Variants in MFRP observed in about 807,000 individuals in gnomAD.
MFRP encodes the protein membrane frizzled-related protein.
MFRP carries 74 observed loss-of-function variants against 65.8 expected under a neutral mutation model. That is an observed-to-expected ratio of 1.12 (90% CI 0.93 to 1.36). The LOEUF is 1.36. Among genes scored for constraint, MFRP ranks in the 40% most tolerant of loss-of-function variants. MFRP has a pLI of 0.00. For missense variants in MFRP, 838 were observed against 736.0 expected (o/e 1.14, Z -1.60); for synonymous variants, 336 against 288.3 (o/e 1.17, Z -1.68).
At chr11:119,345,111 A>G (rs1950547176) in intron 5 of MFRP, 107 bp from the exon 6 acceptor site, 1 of 1,445,194 alleles carries the variant, frequency 6.9e-7, no homozygotes, top group African/African-American at 1.4e-5. Flanking sequence ...CAAACTGGTG[A>G]CCATGTGGTC....
At position 119,340,175 on chromosome 11, in the gene MFRP, C is replaced by T. The variant is rs771777653; in HGVS notation, c.*1110+9G>A. 6.3e-4 allele frequency: 945 copies of T among 1,510,452 alleles called. 2 individuals are homozygous for T. The highest frequency in any genetic ancestry group is 8.0e-4 in the Non-Finnish European group (905 of 1,132,366). The allele number at this position is 1,510,452 out of a possible 1,614,324, so 93.6% of individuals were successfully genotyped here. A position where few individuals can be genotyped will look rare whatever the true frequency, so the allele number is the denominator to read the frequency against. ...ATCGCCACCGATAGCCGCGGCGGTGCCTTCTTACCCGGCCTCCCGCCCTCG... is the reference window on the plus strand; with the variant it reads ...ATCGCCACCGATAGCCGCGGCGGTGTCTTCTTACCCGGCCTCCCGCCCTCG... On this transcript the variant is annotated intron_variant, in intron 14 of 14. Transcript: ENST00000619721.
chr11:119,339,395 G>C lies in MFRP; in HGVS notation c.*1564C>G. 1 of 1,613,344 alleles carries C rather than the reference G, an allele frequency of 6.2e-7. No individual in the cohort carries two copies. The highest frequency in any genetic ancestry group is 8.5e-7 in the Non-Finnish European group (1 of 1,179,432). On this transcript the variant is annotated 3_prime_UTR_variant, in exon 15 of 15. Transcript: ENST00000619721. This position sits in a 1 kb window ranked among gnomAD's most constrained non-coding sequence, Gnocchi z 5.4. ...CAGAAATCCGGAGAAGGTGCTGTCT[G>C]TCTTGATGCTGGCATAGATGCCAAT...
intron 5 of MFRP, 106 bp from the exon 6 acceptor site, chr11:119,345,110 G>A: frequency 7.6e-6 from 11 of 1,447,734 alleles, no homozygotes; most frequent in Non-Finnish European, 1.0e-5. Context: ...CCAAACTGGT[G>A]ACCATGTGGT....
rs2135372011 is a variant in MFRP at position 119,344,623 on chromosome 11, G to C, written c.898+9C>G. ...GCCTGAAGAGAGGACCCCCATGCCT[G>C]GCCCGTACCCGAGAACTTGGCACTG... On this transcript the variant is annotated intron_variant, in intron 7 of 14. Transcript: ENST00000619721. 3 of 1,614,028 alleles carry C rather than the reference G, an allele frequency of 1.9e-6. No individual in the cohort carries two copies. Among genetic ancestry groups the C allele is most frequent in the Non-Finnish European group, 2.5e-6 (3 of 1,180,042 alleles).
Position 119,346,080 on chromosome 11 carries a change from C to T in MFRP, c.237G>A (p.Leu79=), listed in dbSNP as rs982198049. 4 of 1,609,870 alleles carry T rather than the reference C, an allele frequency of 2.5e-6. No individual in the cohort carries two copies. The Admixed American group carries it at 6.8e-5, about 27-fold the overall frequency. Reference sequence around the variant, plus strand: ...TGATGGCCACCAGCAGCCCAAGCAGCAGGAGGAGCAGGCTGGAGAGCAGGA... The same window carrying T: ...TGATGGCCACCAGCAGCCCAAGCAGTAGGAGGAGCAGGCTGGAGAGCAGGA... ...CVLLLSSLLL[L]LLGLLVAIIL... Residue 79 remains leucine, a synonymous_variant, in exon 3 of 15, where the codon CTG becomes CTA. Coordinates refer to ENST00000619721, the MANE Select transcript of MFRP (RefSeq NM_031433.4).
Position 119,342,676 on chromosome 11 carries a change from A to T in MFRP, c.1307T>A (p.Val436Glu). Residue 436 changes from valine (V) to glutamate (E), a missense_variant, in exon 11 of 15, where the codon GTG (valine) becomes GAG (glutamate). Val to Glu is a moderately radical substitution (Grantham distance 121). Coordinates refer to ENST00000619721, the MANE Select transcript of MFRP (RefSeq NM_031433.4). ...LSCQAGGCKG[V>E]QWMCDMWRDC... ...TCTCCACATGTCACACATCCACTGC[A>T]CACCCTTACACCCTCCTGCCTGGCA... 6.2e-7 allele frequency: 1 copy of T among 1,613,652 alleles called. No homozygotes were observed. Among genetic ancestry groups the T allele is most frequent in the Non-Finnish European group, 8.5e-7 (1 of 1,179,944 alleles).
In MFRP at chr11:119,341,462, T is replaced by C; in HGVS notation, c.*86A>G. 2 of 1,177,408 alleles carry C rather than the reference T, an allele frequency of 1.7e-6. No individual in the cohort carries two copies. Among genetic ancestry groups the C allele is most frequent in the Non-Finnish European group, 2.5e-6 (2 of 810,580 alleles). The allele number at this position is 1,177,408 out of a possible 1,614,324, so 72.9% of individuals were successfully genotyped here. Reference sequence around the variant, plus strand: ...AGAGAAGGATGGGTAGAGACCCTGCTGATGCTCCTTCCTTTGTTCCCCTGC... The same window carrying C: ...AGAGAAGGATGGGTAGAGACCCTGCCGATGCTCCTTCCTTTGTTCCCCTGC... On this transcript the variant is annotated 3_prime_UTR_variant, in exon 13 of 15. Coordinates refer to ENST00000619721, the MANE Select transcript of MFRP (RefSeq NM_031433.4).
At chr11:119,346,415 C>A (rs1950571207) in intron 1 of MFRP, 41 bp from the exon 2 acceptor site, 1 of 1,609,460 alleles carries the variant, frequency 6.2e-7, no homozygotes. Context: ...GCAGCAGTGA[C>A]CACTGGTGCT....
At position 119,343,932 on chromosome 11, in the gene MFRP, T is replaced by C. The variant is rs762880760; in HGVS notation, c.1008A>G (p.Gly336=). 5 of 1,613,680 alleles carry C rather than the reference T, an allele frequency of 3.1e-6. No individual in the cohort carries two copies. Residue 336 remains glycine (G), a synonymous_variant, in exon 9 of 15, where the codon GGA becomes GGG. Coordinates refer to ENST00000619721, the MANE Select transcript of MFRP (RefSeq NM_031433.4). ...LCTWHISVPA[G]HSIELQFHNF... is the part of the protein sequence containing the mutation. ...TGTGGAACTGTAGTTCTATGCTGTG[T>C]CCGGCAGGCACCGAGATATGCCAGG...
rs1015222860 is a variant in MFRP, at chr11:119,345,854, T to G, written c.346A>C (p.Thr116Pro). 1 of 1,611,908 alleles carries G rather than the reference T, an allele frequency of 6.2e-7. No homozygotes were observed. The highest frequency in any genetic ancestry group is 1.3e-5 in the African/African-American group (1 of 74,268). Reference protein sequence around the residue: ...PAGGLTTTTTTPTITTSQAAG... With the variant: ...PAGGLTTTTTPPTITTSQAAG... ...GCCTGAGAGGTGGTGATGGTGGGGG[T>G]GGTGGTGGTCGTGGTAAGGCCTCCG... Residue 116 changes from threonine (T) to proline (P), a missense_variant, in exon 4 of 15, where the codon ACC becomes CCC. By Grantham distance (38) the Thr-to-Pro change is conservative (BLOSUM62 -1). Coordinates refer to ENST00000619721, the MANE Select transcript of MFRP (RefSeq NM_031433.4).
chr11:119,340,148 A>G (rs1292969310), intron 14 of MFRP, 36 bp downstream of exon 14: 3 of 1,503,410 alleles, frequency 2.0e-6, no homozygotes, highest in African/African-American at 1.5e-5. Context: ...GCCTGCTCGG[A>G]CATCGCCACC....
At chr11:119,346,209 T>C in intron 2 of MFRP, 50 bp from the exon 3 acceptor site, 2 of 1,567,790 alleles carry the variant, frequency 1.3e-6, no homozygotes, top group Non-Finnish European at 1.7e-6. Flanking sequence ...TGGGTATTCC[T>C]CATGCTGTCC....
Position 119,345,426 on chromosome 11 carries a change from A to AG in MFRP, c.634dup (p.Leu212ProfsTer27). The AG allele has an allele frequency of 1.2e-6, 2 of 1,613,722 alleles. No homozygotes were observed. Among genetic ancestry groups the AG allele is most frequent in the Non-Finnish European group, 8.5e-7 (1 of 1,179,900 alleles). On this transcript the variant is annotated frameshift_variant, in exon 5 of 15. Transcript: ENST00000619721. LOFTEE classifies it high-confidence loss of function. ...TGGGGACAGAGGGACCTACCTGAGG[A>AG]GGGGGCCTTCAGGCTCAGGGGAGAG...
At position 119,341,422 on chromosome 11, in the gene MFRP, C is replaced by G. The variant is rs886047827; in HGVS notation, c.*126G>C. The G allele has an allele frequency of 1.0e-5, 8 of 780,442 alleles. No individual in the cohort carries two copies. Among genetic ancestry groups the G allele is most frequent in the Non-Finnish European group, 1.4e-5 (7 of 489,448 alleles). 48.3% of individuals were successfully genotyped at this position (780,442 alleles called of 1,614,324 possible). Reference sequence around the variant, plus strand: ...CCCCAGCTGAGGACTTCTCTTCCCCCTCCCTGGGAGCCCCAGAGAAGGATG... The same window carrying G: ...CCCCAGCTGAGGACTTCTCTTCCCCGTCCCTGGGAGCCCCAGAGAAGGATG... On this transcript the variant is annotated 3_prime_UTR_variant, in exon 13 of 15. Transcript: ENST00000619721.
Position 119,345,931 on chromosome 11 carries a change from G to A in MFRP, c.272-3C>T, listed in dbSNP as rs1950561163. The A allele has an allele frequency of 1.2e-6, 2 of 1,613,720 alleles. No individual in the cohort carries two copies. The highest frequency in any genetic ancestry group is 1.7e-6 in the Non-Finnish European group (2 of 1,179,978). On this transcript the variant is annotated splice_polypyrimidine_tract_variant and splice_region_variant and intron_variant, in intron 3 of 14. Coordinates refer to ENST00000619721, the MANE Select transcript of MFRP (RefSeq NM_031433.4). ...AGATGGGGGTGCAGCCTGCAGCTCT[G>A]GAGGCGAGAAGATGGAGGGTGGCGT...
At position 119,341,478 on chromosome 11, in the gene MFRP, G is replaced by T; in HGVS notation, c.*70C>A. 1.5e-6 allele frequency: 2 copies of T among 1,323,784 alleles called. No individual in the cohort carries two copies. Among genetic ancestry groups the T allele is most frequent in the South Asian group, 1.2e-5 (1 of 83,000 alleles). The allele number at this position is 1,323,784 out of a possible 1,614,324, so 82.0% of individuals were successfully genotyped here. The stretch of plus-strand genomic sequence containing the variant: ...AGACCCTGCTGATGCTCCTTCCTTT[G>T]TTCCCCTGCGTGCCAGCCCTGACCG... On this transcript the variant is annotated 3_prime_UTR_variant, in exon 13 of 15. Transcript: ENST00000619721.
rs201919246 is a variant in MFRP at position 119,345,551 on chromosome 11, G to A, written c.510C>T (p.Cys170=). The change falls in exon 5 of 15, where the codon TGC becomes TGT. Residue 170 remains cysteine (C), a synonymous_variant. Transcript: ENST00000619721. ...YPDPYPPNTH[C]VWHIQVATDH... ...CTGTGGCCACCTGGATATGCCACACGCAGTGGGTGTTGGGGGGGTAAGGGT... is the reference window on the plus strand; with the variant it reads ...CTGTGGCCACCTGGATATGCCACACACAGTGGGTGTTGGGGGGGTAAGGGT... 1.6e-5 allele frequency: 26 copies of A among 1,614,088 alleles called. No individual in the cohort carries two copies. The highest frequency in any genetic ancestry group is 2.7e-5 in the African/African-American group (2 of 75,060).
Position 119,344,966 on chromosome 11 carries a change from T to C in MFRP, c.680A>G (p.Asn227Ser). Residue 227 changes from asparagine to serine, a missense_variant, in exon 6 of 15, where the codon AAT becomes AGT. Coordinates refer to ENST00000619721, the MANE Select transcript of MFRP (RefSeq NM_031433.4). ...GAAGACCACCAGGAGGTGGCTGGCA[T>C]TGGTGTTGAGCGTGGGGGGAGGCAC... ...GRVPPPTLNTNASHLLVVFVS... is the reference protein window; with the variant it reads ...GRVPPPTLNTSASHLLVVFVS... The C allele has an allele frequency of 6.2e-7, 1 of 1,609,256 alleles. No individual in the cohort carries two copies. The highest frequency in any genetic ancestry group is 8.5e-7 in the Non-Finnish European group (1 of 1,178,454).
chr11:119,339,306 G>T lies in MFRP; in HGVS notation c.*1653C>A. 1.2e-6 allele frequency: 2 copies of T among 1,608,310 alleles called. No individual in the cohort carries two copies. On this transcript the variant is annotated 3_prime_UTR_variant, in exon 15 of 15. Transcript: ENST00000619721. This position sits in a 1 kb window ranked among gnomAD's most constrained non-coding sequence, Gnocchi z 5.4. ...TCACACCCTCCTTCTAGGAGTGAGA[G>T]CATGAGCTCACTTTGCAGTGGGCAC...
Sources: gnomAD v4.1 joint callset for allele counts on GRCh38, gnomAD v4.1.1 for gene constraint, Gnocchi (gnomAD v3.1) non-coding constraint, MANE v1.5 for transcripts, NCBI Gene and HGNC (gene_info 2026-07-23, HGNC 2026-07-21) for gene names.